MAP3K7CL: variants seen among roughly 807,000 people sequenced by gnomAD.
MAP3K7CL encodes the protein MAP3K7 C-terminal-like protein.
A neutral mutation model predicts 18.6 loss-of-function variants in MAP3K7CL; 16 were observed. That is an observed-to-expected ratio of 0.86 (90% CI 0.58 to 1.31). The LOEUF (loss-of-function observed/expected upper bound fraction) is 1.31. Among genes scored for constraint, MAP3K7CL ranks in the 50% most tolerant of loss-of-function variants. The pLI, the probability that MAP3K7CL is intolerant of heterozygous loss-of-function variation, is 0.00. For missense variants in MAP3K7CL, 163 were observed against 174.4 expected (o/e 0.93, Z 0.37); for synonymous variants, 65 against 66.8 (o/e 0.97, Z 0.13).
At chr21:29,137,201 T>C (rs560894175) in intron 2 of MAP3K7CL, among the ~76,000 whole-genome samples, 1 of 152,358 alleles carries the variant, frequency 6.6e-6, no homozygotes, top group African/African-American at 2.4e-5. Context: ...CTCACCTTGA[T>C]GTCAAGGTAG....
At chr21:29,121,837 A>AAG (rs1286691452) in intron 4 of MAP3K7CL, among the ~76,000 whole-genome samples, 1 of 151,684 alleles carries the variant, frequency 6.6e-6, no homozygotes, top group African/African-American at 2.4e-5. Flanking sequence ...TTGGGGAAAA[A>AAG]AGAGAGAGAC....
chr21:29,167,707 T>C (rs924723642), intron 4 of MAP3K7CL, among the ~76,000 whole-genome samples: 3 of 147,818 alleles, frequency 2.0e-5, no homozygotes, highest in Non-Finnish European at 3.0e-5. Flanking sequence ...TTTTTTTTTT[T>C]TTTTTTTTTT....
chr21:29,137,086 G>A (rs959916541), intron 2 of MAP3K7CL, among the ~76,000 whole-genome samples: 1 of 152,218 alleles, frequency 6.6e-6, no homozygotes, highest in Admixed American at 6.5e-5. Context: ...ATTTAGCAGA[G>A]TGCTTGATAC....
At chr21:29,155,623 TCTTA>T (rs757450630) in intron 3 of MAP3K7CL, among the ~76,000 whole-genome samples, 7 of 152,174 alleles carry the variant, frequency 4.6e-5, no homozygotes, top group Non-Finnish European at 7.3e-5. Flanking sequence ...GCGGTTTCTC[TCTTA>T]CTTCATCTTG....
At chr21:29,088,446 C>A (rs1428837180) in intron 1 of MAP3K7CL, among the ~76,000 whole-genome samples, 1 of 152,198 alleles carries the variant, frequency 6.6e-6, no homozygotes, top group Non-Finnish European at 1.5e-5. Context: ...AATATAATTT[C>A]TGAGTTATTC....
chr21:29,148,625 C>T (rs2087199452), intron 2 of MAP3K7CL, among the ~76,000 whole-genome samples: 1 of 152,116 alleles, frequency 6.6e-6, no homozygotes, highest in Admixed American at 6.6e-5. Flanking sequence ...AGGAGTGCTG[C>T]CTGGTGTATT....
At chr21:29,097,297 A>G (rs2086140149) in intron 4 of MAP3K7CL, among the ~76,000 whole-genome samples, 2 of 152,150 alleles carry the variant, frequency 1.3e-5, no homozygotes, top group African/African-American at 4.8e-5. Context: ...TTAGTTTTGA[A>G]GAAACTGAAG....
chr21:29,160,103 G>A lies in MAP3K7CL; in HGVS notation c.248+47G>A, dbSNP rs370559171. The A allele has an allele frequency of 2.0e-6, 3 of 1,500,650 alleles. No individual in the cohort carries two copies. The African/African-American group carries it at 4.1e-5, about 21-fold the overall frequency. 93.0% of individuals were successfully genotyped at this position (1,500,650 alleles called of 1,614,324 possible). On this transcript the variant is annotated intron_variant, in intron 4 of 4. Transcript: ENST00000399928. ...TCTACATCTGAGCACTGCCTACTGG[G>A]CAAGGACCAGGGGCAATGGGCAGGG...
chr21:29,116,642 A>G (rs2086509782), intron 4 of MAP3K7CL, among the ~76,000 whole-genome samples: 1 of 152,200 alleles, frequency 6.6e-6, no homozygotes, highest in Non-Finnish European at 1.5e-5. Context: ...TTCTGTCTGT[A>G]TTCTGATTCA....
chr21:29,103,181 G>T (rs1033248085), intron 4 of MAP3K7CL, among the ~76,000 whole-genome samples: 21 of 152,200 alleles, frequency 1.4e-4, no homozygotes, highest in African/African-American at 4.6e-4. Context: ...CATGTCTGTT[G>T]GTTTATATAG....
Position 29,173,402 on chromosome 21 carries a change from A to T in MAP3K7CL, c.249-1310A>T, listed in dbSNP as rs139813826. Among the ~76,000 whole-genome samples, 102 of 152,354 alleles carry T rather than the reference A, an allele frequency of 6.7e-4. 1 individual carries two copies. The East Asian group carries it at 0.018, about 26-fold the overall frequency. The stretch of plus-strand genomic sequence containing the variant: ...GATGCGTTGGTTTATATTTAAAAAT[A>T]CACATTAATTTAATTCAAAAGTCTA... On this transcript the variant is annotated intron_variant, in intron 4 of 4. Coordinates refer to ENST00000399928, the MANE Select transcript of MAP3K7CL (RefSeq NM_001286620.2).
chr21:29,160,119 A>G (rs1050201074), intron 4 of MAP3K7CL, 63 bp downstream of exon 4: 17 of 1,291,606 alleles, frequency 1.3e-5, no homozygotes, highest in African/African-American at 2.9e-5. Context: ...ACCAGGGGCA[A>G]TGGGCAGGGG....
intron 1 of MAP3K7CL, among the ~76,000 whole-genome samples, chr21:29,132,710 A>C (rs1002083157): frequency 5.3e-5 from 8 of 151,958 alleles, no homozygotes; most frequent in African/African-American, 1.7e-4. Context: ...GGGTTTTCTC[A>C]TGTTGGTCAA....
intron 4 of MAP3K7CL, among the ~76,000 whole-genome samples, chr21:29,108,435 T>C (rs544606234): frequency 7.9e-5 from 12 of 152,316 alleles, no homozygotes; most frequent in Middle Eastern, 3.4e-3. Flanking sequence ...ATTTATAGTA[T>C]TTTCTTATGG....
intron 4 of MAP3K7CL, among the ~76,000 whole-genome samples, chr21:29,096,254 A>G (rs1222522255): frequency 6.6e-6 from 1 of 152,232 alleles, no homozygotes; most frequent in Non-Finnish European, 1.5e-5. Flanking sequence ...TTCAAAATAT[A>G]CCTTAGGTGC....
At chr21:29,129,087 C>T (rs990977490), upstream of MAP3K7CL, among the ~76,000 whole-genome samples, 3 of 152,110 alleles carry the variant, frequency 2.0e-5, no homozygotes, top group Non-Finnish European at 4.4e-5. Flanking sequence ...CAGAAAAAAA[C>T]GGAGTAAAAT....
chr21:29,143,847 G>C (rs186746350), intron 2 of MAP3K7CL, among the ~76,000 whole-genome samples: 87 of 152,288 alleles, frequency 5.7e-4, no homozygotes, highest in Middle Eastern at 3.4e-3. Flanking sequence ...ATGCTGTTTA[G>C]AACAGTGGTT....
intron 4 of MAP3K7CL, among the ~76,000 whole-genome samples, chr21:29,097,991 G>A (rs1472497855): frequency 7.2e-5 from 11 of 152,022 alleles, no homozygotes; most frequent in Admixed American, 2.6e-4. Flanking sequence ...CTAGATTTGC[G>A]CTAATATGAT....
intron 2 of MAP3K7CL, among the ~76,000 whole-genome samples, chr21:29,144,576 G>A (rs1190811867): frequency 2.6e-5 from 4 of 152,028 alleles, no homozygotes; most frequent in Non-Finnish European, 5.9e-5. Context: ...AGGGCTGGGG[G>A]ACACCCCTTA....
Sources: gnomAD v4.1 joint callset for allele counts (sites outside exome capture counted in the v4.1 genomes callset) on GRCh38, gnomAD v4.1.1 for gene constraint, MANE v1.5 for transcripts, NCBI Gene and HGNC (gene_info 2026-07-23, HGNC 2026-07-21) for gene names.